The following WDR7 variants were observed in gnomAD, a reference collection of about 807,000 sequenced individuals.
WDR7 encodes the protein WD repeat domain 7.
A neutral mutation model predicts 169.4 loss-of-function variants in WDR7; 46 were observed. That is an observed-to-expected ratio of 0.27 (90% CI 0.21 to 0.35). The LOEUF is 0.35. Ranked by LOEUF, WDR7 falls within the 10% of genes least tolerant of loss-of-function variation. WDR7 has a pLI of 1.00. For missense variants in WDR7, 1,534 were observed against 1,859.3 expected, an observed-to-expected ratio of 0.83 and a Z score of 3.22; for synonymous variants, 612 against 666.8, an observed-to-expected ratio of 0.92 and a Z score of 1.27.
intron 3 of WDR7, 53 bp from the exon 4 acceptor site, chr18:56,681,260 G>T: frequency 8.3e-7 from 1 of 1,199,220 alleles, no homozygotes; most frequent in Non-Finnish European, 1.2e-6. Flanking sequence ...TGACAAAGTT[G>T]AATGGTGCTT....
chr18:57,001,278 C>T (rs886256714), intron 26 of WDR7, among the ~76,000 whole-genome samples: 7 of 152,090 alleles, frequency 4.6e-5, no homozygotes, highest in African/African-American at 1.7e-4. Context: ...GAGAAGAACA[C>T]TTCCAGCAGA....
At position 56,923,534 on chromosome 18, in the gene WDR7, A is replaced by G. The variant is rs534605723; in HGVS notation, c.3527-388A>G. ...GTTACTGAGGGGGAGTATTTTACAT[A>G]TGAACTGTGTTAGATGCAGAAGAAA... is the stretch of plus-strand genomic sequence containing the variant. On this transcript the variant is annotated intron_variant, in intron 21 of 27. Transcript: ENST00000254442. Among the ~76,000 whole-genome samples the G allele has an allele frequency of 3.9e-5, 6 of 152,356 alleles. No individual in the cohort carries two copies. The South Asian group carries it at 1.2e-3, about 32-fold the overall frequency.
chr18:56,923,625 G>A (rs2046759537), intron 21 of WDR7, among the ~76,000 whole-genome samples: 1 of 152,208 alleles, frequency 6.6e-6, no homozygotes, highest in Non-Finnish European at 1.5e-5. Flanking sequence ...GAGTTAGGGA[G>A]AAACATTGTT....
In WDR7 at chr18:56,731,461, T is replaced by C; in HGVS notation, c.1853T>C (p.Val618Ala). Residue 618 changes from valine to alanine, a missense_variant, in exon 14 of 28, where the codon GTT (valine) becomes GCT (alanine). Coordinates refer to ENST00000254442, the MANE Select transcript of WDR7 (RefSeq NM_015285.3). Reference protein sequence around the residue: ...NACDEAVPAAVDSLSHPAVNL... With the variant: ...NACDEAVPAAADSLSHPAVNL... ...TGTGATGAAGCTGTTCCTGCTGCTGTTGATTCACTTAGTCATCCAGCAGTC... is the reference window on the plus strand; with the variant it reads ...TGTGATGAAGCTGTTCCTGCTGCTGCTGATTCACTTAGTCATCCAGCAGTC... The C allele has an allele frequency of 6.2e-7, 1 of 1,614,218 alleles. No individual in the cohort carries two copies.
intron 26 of WDR7, among the ~76,000 whole-genome samples, chr18:57,013,971 A>G (rs532753637): frequency 6.6e-6 from 1 of 152,332 alleles, no homozygotes; most frequent in South Asian, 2.1e-4. Flanking sequence ...GCCAGGCTGC[A>G]TAGGGTTATG....
chr18:56,830,665 T>TG (rs2045293173), intron 20 of WDR7, among the ~76,000 whole-genome samples: 1 of 152,222 alleles, frequency 6.6e-6, no homozygotes, highest in Admixed American at 6.5e-5. Flanking sequence ...TTCTGGCAGA[T>TG]GCCCTTAAAC....
At chr18:56,848,238 G>A (rs1213845263) in intron 20 of WDR7, among the ~76,000 whole-genome samples, 1 of 152,212 alleles carries the variant, frequency 6.6e-6, no homozygotes, top group Non-Finnish European at 1.5e-5. Context: ...TGTTCTGCTG[G>A]GTTTCAGACT....
At chr18:56,758,096 G>T (rs913259216) in intron 15 of WDR7, among the ~76,000 whole-genome samples, 2 of 152,084 alleles carry the variant, frequency 1.3e-5, no homozygotes, top group African/African-American at 4.8e-5. Context: ...AATAGAGAAA[G>T]AAAAAACTAT....
intron 26 of WDR7, among the ~76,000 whole-genome samples, chr18:56,987,149 GGTTTGTGTTCCACTTAAGCCTAA>G (rs2047733705): frequency 6.6e-6 from 1 of 151,944 alleles, no homozygotes; most frequent in African/African-American, 2.4e-5. Flanking sequence ...GATAGCATGA[GGTTTGTGTTCCACTTAAGCCTAA>G]GTATTTCAGT....
intron 20 of WDR7, among the ~76,000 whole-genome samples, chr18:56,844,126 G>C (rs1391570041): frequency 1.3e-5 from 2 of 151,080 alleles, no homozygotes; most frequent in African/African-American, 4.9e-5. Context: ...CTCCCAAAGT[G>C]CTAGGATTAC....
At chr18:56,954,059 CATT>C (rs1445593118) in intron 25 of WDR7, among the ~76,000 whole-genome samples, 3 of 152,152 alleles carry the variant, frequency 2.0e-5, no homozygotes, top group African/African-American at 7.2e-5. Flanking sequence ...ATATTAAAGA[CATT>C]AGTAGTGGCA....
Position 57,027,569 on chromosome 18 carries a change from A to G in WDR7, c.*362A>G, listed in dbSNP as rs2048385087. ...GATTGCACTCCCAGCCCAGATCAGC[A>G]TTTTTAGCCATCTCAACCGCACCTC... On this transcript the variant is annotated 3_prime_UTR_variant, in exon 28 of 28. Coordinates refer to ENST00000254442, the MANE Select transcript of WDR7 (RefSeq NM_015285.3). 3.8e-6 allele frequency: 1 copy of G among 265,820 alleles called. No homozygotes were observed. The highest frequency in any genetic ancestry group is 2.2e-5 in the African/African-American group (1 of 44,538). 16.5% of individuals were successfully genotyped at this position (265,820 alleles called of 1,614,324 possible).
At chr18:56,835,010 C>T (rs1334519786) in intron 20 of WDR7, among the ~76,000 whole-genome samples, 1 of 152,164 alleles carries the variant, frequency 6.6e-6, no homozygotes, top group Non-Finnish European at 1.5e-5. Flanking sequence ...ACTTCTGCAG[C>T]ACAAGGGTAG....
At chr18:56,941,661 A>G (rs2047036838) in intron 25 of WDR7, among the ~76,000 whole-genome samples, 1 of 152,192 alleles carries the variant, frequency 6.6e-6, no homozygotes, top group Non-Finnish European at 1.5e-5. Context: ...GAATAATGTC[A>G]TTTCATTCAA....
At chr18:56,703,337 C>T (rs2025873932) in intron 12 of WDR7, among the ~76,000 whole-genome samples, 2 of 152,180 alleles carry the variant, frequency 1.3e-5, no homozygotes, top group Admixed American at 1.3e-4. Context: ...ATTATTCTGA[C>T]AAAGTACTGA....
rs1163812666 is a variant in WDR7 at position 56,730,610 on chromosome 18, C to CA, written c.1775-767dup. On this transcript the variant is annotated intron_variant, in intron 13 of 27. Transcript: ENST00000254442. Reference sequence around the variant, plus strand: ...TGAAACCCTGTCTCTACTAAAAATACAAAAAATTAGCCGGGCGTGATGGCG... The same window carrying CA: ...TGAAACCCTGTCTCTACTAAAAATACAAAAAAATTAGCCGGGCGTGATGGCG... Among the ~76,000 whole-genome samples the CA allele has an allele frequency of 6.6e-5, 10 of 151,726 alleles. No individual in the cohort carries two copies. The East Asian group carries it at 1.9e-3, about 29-fold the overall frequency.
At chr18:56,696,495 A>G (rs1445221655) in intron 12 of WDR7, 33 bp downstream of exon 12, 3 of 1,538,744 alleles carry the variant, frequency 1.9e-6, no homozygotes, top group South Asian at 1.2e-5. Flanking sequence ...TTATTTCACT[A>G]TGGTAGAGCC....
chr18:56,824,310 C>T (rs2045158169), intron 20 of WDR7, among the ~76,000 whole-genome samples: 1 of 152,190 alleles, frequency 6.6e-6, no homozygotes. Flanking sequence ...GTACACACTT[C>T]TGCTCTTGCA....
At chr18:56,916,367 GTTTGGTTTT>G (rs2046625884) in intron 21 of WDR7, among the ~76,000 whole-genome samples, 1 of 151,710 alleles carries the variant, frequency 6.6e-6, no homozygotes, top group Non-Finnish European at 1.5e-5. Flanking sequence ...AACATGCGGT[GTTTGGTTTT>G]CTGTCCTTGC....
Sources: allele counts gnomAD v4.1 joint callset (sites outside exome capture counted in the v4.1 genomes callset), GRCh38; gene constraint gnomAD v4.1.1; transcripts MANE v1.5; gene names NCBI Gene and HGNC (gene_info 2026-07-23, HGNC 2026-07-21).